Variants in MACROD2 observed in about 807,000 individuals in gnomAD.
MACROD2 encodes ADP-ribose glycohydrolase MACROD2.
In MACROD2, 36 loss-of-function variants were observed where a neutral mutation model predicts 70.4. The ratio of observed to expected loss-of-function variants is 0.51; its 90% confidence interval spans 0.39 to 0.68. The LOEUF (loss-of-function observed/expected upper bound fraction) is 0.68. Among genes scored for constraint, MACROD2 ranks in the 30% least tolerant of loss-of-function variants. The pLI is 0.00. For missense variants in MACROD2, 496 were observed against 538.4 expected (o/e 0.92, Z 0.78); for synonymous variants, 172 against 178.8 (o/e 0.96, Z 0.30).
chr20:14,793,259 G>C (rs769986962), intron 5 of MACROD2, among the ~76,000 whole-genome samples: 6 of 151,904 alleles, frequency 3.9e-5, no homozygotes, highest in African/African-American at 1.5e-4. Flanking sequence ...AACATATATA[G>C]TATTCAATAA....
intron 10 of MACROD2, chr20:15,893,757 T>A: frequency 2.2e-6 from 1 of 456,666 alleles, no homozygotes; most frequent in Non-Finnish European, 4.4e-6. Context: ...GATCCCCACC[T>A]CCTCCACTGG....
intron 8 of MACROD2, among the ~76,000 whole-genome samples, chr20:15,842,468 C>CTTTT (rs3071404): frequency 0.011 from 1,556 of 137,398 alleles, 29 homozygotes; most frequent in Non-Finnish European, 0.014. Flanking sequence ...TTTTTTTCAT[C>CTTTT]TTTTTTTTTT....
At chr20:14,491,618 C>A (rs1254460296) in intron 3 of MACROD2, among the ~76,000 whole-genome samples, 2 of 152,172 alleles carry the variant, frequency 1.3e-5, no homozygotes, top group African/African-American at 4.8e-5. Context: ...CCACCCACAT[C>A]TATTGGACAA....
chr20:14,472,632 C>T (rs2084543412), intron 3 of MACROD2, among the ~76,000 whole-genome samples: 1 of 152,082 alleles, frequency 6.6e-6, no homozygotes, highest in Non-Finnish European at 1.5e-5. Context: ...TGTACAAAAG[C>T]TTGTGTTCAT....
intron 5 of MACROD2, among the ~76,000 whole-genome samples, chr20:14,709,363 C>A (rs2071309868): frequency 6.6e-6 from 1 of 152,008 alleles, no homozygotes; most frequent in Non-Finnish European, 1.5e-5. Context: ...AAATCTTTTA[C>A]ACATGCTTCA....
intron 3 of MACROD2, among the ~76,000 whole-genome samples, chr20:14,105,940 G>A (rs901330103): frequency 6.6e-6 from 1 of 152,174 alleles, no homozygotes; most frequent in Non-Finnish European, 1.5e-5. Flanking sequence ...GTTGACTAAA[G>A]AGAACTTGGG....
intron 3 of MACROD2, among the ~76,000 whole-genome samples, chr20:14,388,013 G>GT (rs1259676740): frequency 2.4e-5 from 2 of 83,196 alleles, no homozygotes; most frequent in African/African-American, 7.6e-5. Flanking sequence ...TATGTAAGTA[G>GT]GTTTTTTTTT....
intron 8 of MACROD2, among the ~76,000 whole-genome samples, chr20:15,524,237 T>C (rs2047690117): frequency 6.6e-6 from 1 of 151,808 alleles, no homozygotes; most frequent in Admixed American, 6.6e-5. Flanking sequence ...ATGCTTCTGC[T>C]TGGGGTAGAT....
intron 5 of MACROD2, among the ~76,000 whole-genome samples, chr20:15,108,651 T>G (rs2123214446): frequency 6.6e-6 from 1 of 152,360 alleles, no homozygotes. Context: ...ATTGAATATC[T>G]TTTTGTTTAG....
intron 8 of MACROD2, among the ~76,000 whole-genome samples, chr20:15,558,773 A>G (rs534253251): frequency 6.6e-6 from 1 of 152,348 alleles, no homozygotes; most frequent in Middle Eastern, 3.4e-3. Flanking sequence ...TCTGTGTCTG[A>G]AATTCTTTCC....
intron 8 of MACROD2, among the ~76,000 whole-genome samples, chr20:15,582,149 CAGGGTGGAGA>C (rs2048534160): frequency 1.3e-5 from 2 of 151,968 alleles, no homozygotes; most frequent in Admixed American, 1.3e-4. Context: ...CTGCCACTGC[CAGGGTGGAGA>C]AGGGAGACTG....
At chr20:15,648,058 C>A (rs1286678631) in intron 8 of MACROD2, among the ~76,000 whole-genome samples, 1 of 151,966 alleles carries the variant, frequency 6.6e-6, no homozygotes, top group Non-Finnish European at 1.5e-5. Flanking sequence ...GCTTTCTTGG[C>A]GTATGCATGT....
intron 6 of MACROD2, among the ~76,000 whole-genome samples, chr20:15,396,583 C>T (rs543416347): frequency 9.2e-5 from 14 of 152,230 alleles, no homozygotes; most frequent in African/African-American, 3.1e-4. Context: ...GCTCAGAGAG[C>T]GTTTTGGATT....
At chr20:14,146,114 A>C (rs1228947438) in intron 3 of MACROD2, among the ~76,000 whole-genome samples, 1 of 152,164 alleles carries the variant, frequency 6.6e-6, no homozygotes, top group African/African-American at 2.4e-5. Context: ...CGAGGTCAGA[A>C]GATCGAGACC....
chr20:15,512,681 G>A (rs987404802), intron 8 of MACROD2, among the ~76,000 whole-genome samples: 8 of 152,052 alleles, frequency 5.3e-5, no homozygotes, highest in Non-Finnish European at 8.8e-5. Flanking sequence ...TACTGAAGCC[G>A]GTTTACACCA....
chr20:14,914,821 T>G (rs1283137362), intron 5 of MACROD2, among the ~76,000 whole-genome samples: 4 of 152,230 alleles, frequency 2.6e-5, no homozygotes, highest in African/African-American at 7.2e-5. Context: ...ATTCTTCTAA[T>G]GCATGCCATA....
At chr20:15,873,647 A>T (rs772029430) in intron 9 of MACROD2, among the ~76,000 whole-genome samples, 53 of 152,036 alleles carry the variant, frequency 3.5e-4, no homozygotes, top group Admixed American at 1.3e-3. Context: ...AAACAGTGAG[A>T]AAAGGTAGAA....
chr20:14,597,437 A>C (rs1015009987), intron 4 of MACROD2, among the ~76,000 whole-genome samples: 5 of 152,156 alleles, frequency 3.3e-5, no homozygotes, highest in Admixed American at 2.0e-4. Flanking sequence ...GAGTGAGTTG[A>C]CTTGGAAGTG....
chr20:14,846,807 G>A lies in MACROD2; in HGVS notation c.418+161848G>A, dbSNP rs373595258. 9.9e-5 allele frequency among the ~76,000 whole-genome samples: 15 copies of A among 152,228 alleles called. No individual in the cohort carries two copies. In the East Asian group the frequency reaches 1.5e-3, roughly 16 times the overall value. On this transcript the variant is annotated intron_variant, in intron 5 of 17. Transcript: ENST00000684519. Reference sequence around the variant, plus strand: ...GCTGGGATTACAGGCGTGAGCCACCGCATCCGGCCTTAATATGTAATTTTT... The same window carrying A: ...GCTGGGATTACAGGCGTGAGCCACCACATCCGGCCTTAATATGTAATTTTT...
Sources: allele counts gnomAD v4.1 joint callset (sites outside exome capture counted in the v4.1 genomes callset), GRCh38; gene constraint gnomAD v4.1.1; transcripts MANE v1.5; gene names NCBI Gene and HGNC (gene_info 2026-07-23, HGNC 2026-07-21).